SORCS2: variants seen among roughly 807,000 people sequenced by gnomAD.
The protein encoded by SORCS2 is sortilin related VPS10 domain containing receptor 2, also known as VPS10 domain-containing receptor SorCS2.
In SORCS2, 100 loss-of-function variants were observed where a neutral mutation model predicts 141.6. The observed-to-expected ratio is 0.71, with a 90% CI of 0.60 to 0.83. The LOEUF (loss-of-function observed/expected upper bound fraction) is 0.83, where lower values mean the gene tolerates loss of function less well. Among genes scored for constraint, SORCS2 ranks in the 40% least tolerant of loss-of-function variants. The pLI is 0.00. For missense variants in SORCS2, 1,646 were observed against 1,560.2 expected, an observed-to-expected ratio of 1.05 and a Z score of -0.93; for synonymous variants, 789 against 676.9, an observed-to-expected ratio of 1.17 and a Z score of -2.57.
intron 2 of SORCS2, among the ~76,000 whole-genome samples, chr4:7,521,697 C>T (rs1002786952): frequency 6.6e-6 from 1 of 152,238 alleles, no homozygotes; most frequent in Non-Finnish European, 1.5e-5. Context: ...GTCACCTCTG[C>T]TGAGACTGAG....
At chr4:7,270,669 C>T (rs1715062255) in intron 1 of SORCS2, among the ~76,000 whole-genome samples, 1 of 152,216 alleles carries the variant, frequency 6.6e-6, no homozygotes, top group Admixed American at 6.5e-5. Context: ...CTCCTAGATC[C>T]ATCCGTTGCC....
At chr4:7,521,742 T>G (rs919280078) in intron 2 of SORCS2, among the ~76,000 whole-genome samples, 4 of 152,204 alleles carry the variant, frequency 2.6e-5, no homozygotes, top group African/African-American at 7.2e-5. Flanking sequence ...GCAAGTCCCT[T>G]TCCCACTGGG....
chr4:7,470,233 C>T (rs1050955159), intron 2 of SORCS2, among the ~76,000 whole-genome samples: 5 of 151,324 alleles, frequency 3.3e-5, no homozygotes, highest in Non-Finnish European at 7.4e-5. Flanking sequence ...CTCGGTCCAT[C>T]CACCCATCCA....
At chr4:7,219,663 C>T (rs942853966) in intron 1 of SORCS2, among the ~76,000 whole-genome samples, 11 of 152,256 alleles carry the variant, frequency 7.2e-5, no homozygotes, top group East Asian at 1.9e-4. Flanking sequence ...CTCACTAATC[C>T]GAGAATAGCA....
intron 2 of SORCS2, among the ~76,000 whole-genome samples, chr4:7,440,571 CCTT>C (rs1170372403): frequency 6.6e-6 from 1 of 152,240 alleles, no homozygotes; most frequent in Non-Finnish European, 1.5e-5. Flanking sequence ...AGAGTTGCCT[CCTT>C]CTCCTGAAGC....
At chr4:7,493,836 T>C (rs764300660) in intron 2 of SORCS2, among the ~76,000 whole-genome samples, 6 of 152,232 alleles carry the variant, frequency 3.9e-5, no homozygotes, top group Non-Finnish European at 5.9e-5. Flanking sequence ...TTTATGATTT[T>C]AATAGTAATG....
At chr4:7,415,986 A>G (rs1201138632) in intron 2 of SORCS2, among the ~76,000 whole-genome samples, 1 of 152,190 alleles carries the variant, frequency 6.6e-6, no homozygotes. Flanking sequence ...GGGAAACATG[A>G]TGTGCAGAAA....
At chr4:7,630,155 G>C (rs1013657188) in intron 3 of SORCS2, among the ~76,000 whole-genome samples, 3 of 152,188 alleles carry the variant, frequency 2.0e-5, no homozygotes, top group African/African-American at 4.8e-5. Flanking sequence ...TACGCAGACT[G>C]TGAGGGTGTG....
At chr4:7,522,362 G>A (rs73214614) in intron 2 of SORCS2, among the ~76,000 whole-genome samples, 2,096 of 152,338 alleles carry the variant, frequency 0.014, 14 homozygotes, top group Non-Finnish European at 0.018. Context: ...CAGCCGATTT[G>A]CAGACAGCAA....
At chr4:7,641,264 T>TG (rs1720711425) in intron 4 of SORCS2, among the ~76,000 whole-genome samples, 2 of 152,112 alleles carry the variant, frequency 1.3e-5, no homozygotes, top group Admixed American at 6.5e-5. Flanking sequence ...TCCACATGGG[T>TG]GGGGAGGCCT....
chr4:7,550,937 G>C (rs1713651013), intron 3 of SORCS2, among the ~76,000 whole-genome samples: 1 of 152,166 alleles, frequency 6.6e-6, no homozygotes. Context: ...GCTGAGCTTG[G>C]CTTTCCTGCG....
At chr4:7,655,823 T>A (rs180889114) in intron 5 of SORCS2, among the ~76,000 whole-genome samples, 2 of 152,232 alleles carry the variant, frequency 1.3e-5, no homozygotes, top group Admixed American at 6.5e-5. Flanking sequence ...TTGGTAGAGC[T>A]CTGTTCACTC....
chr4:7,475,263 A>C (rs1319223048), intron 2 of SORCS2, among the ~76,000 whole-genome samples: 5 of 152,164 alleles, frequency 3.3e-5, no homozygotes, highest in Admixed American at 2.6e-4. Context: ...CCTGGAAGAC[A>C]GGCCAAGGAG....
rs1723868790 is a variant in SORCS2 at position 7,391,601 on chromosome 4, C to A, written c.481-4687C>A. 3.3e-5 allele frequency among the ~76,000 whole-genome samples: 5 copies of A among 152,136 alleles called. No individual in the cohort carries two copies. The South Asian group carries it at 1.0e-3, about 32-fold the overall frequency. On this transcript the variant is annotated intron_variant, in intron 1 of 26. Transcript: ENST00000507866. ...GTTCTTTTCCTTCTGGGGAAGGGTA[C>A]CCTCAGTCCCTCTGAGGGAGCGAGC...
chr4:7,651,486 T>A (rs762278742), intron 4 of SORCS2, among the ~76,000 whole-genome samples: 2 of 152,110 alleles, frequency 1.3e-5, no homozygotes, highest in African/African-American at 4.8e-5. Context: ...ATCCCGTTAA[T>A]CTCCTCTGGA....
chr4:7,227,655 G>A (rs1211608766), intron 1 of SORCS2, among the ~76,000 whole-genome samples: 2 of 152,082 alleles, frequency 1.3e-5, no homozygotes, highest in South Asian at 2.1e-4. Context: ...CCAGGGAGTC[G>A]TTTCCCAGCC....
chr4:7,579,187 A>T (rs1479559304), intron 3 of SORCS2, among the ~76,000 whole-genome samples: 1 of 152,204 alleles, frequency 6.6e-6, no homozygotes, highest in Non-Finnish European at 1.5e-5. Flanking sequence ...CTTCAATGAG[A>T]AAGTCTCTTA....
intron 1 of SORCS2, among the ~76,000 whole-genome samples, chr4:7,274,787 C>T (rs148859901): frequency 2.0e-4 from 30 of 152,250 alleles, no homozygotes; most frequent in Non-Finnish European, 4.3e-4. Flanking sequence ...TCTGTGTGGG[C>T]CTGGTGTATC....
chr4:7,331,742 G>C (rs774824312), intron 1 of SORCS2, among the ~76,000 whole-genome samples: 1 of 152,214 alleles, frequency 6.6e-6, no homozygotes, highest in Admixed American at 6.5e-5. Flanking sequence ...GGTGGCTGAC[G>C]AAGCGGGTCT....
Sources: allele counts gnomAD v4.1 joint callset (sites outside exome capture counted in the v4.1 genomes callset), GRCh38; gene constraint gnomAD v4.1.1; transcripts MANE v1.5; gene names NCBI Gene and HGNC (gene_info 2026-07-23, HGNC 2026-07-21).